RIN3: variants seen among roughly 807,000 people sequenced by gnomAD.
The protein encoded by RIN3 is RAB5 interacting protein 3.
RIN3 carries 54 observed loss-of-function variants against 76.3 expected under a neutral mutation model. The ratio of observed to expected loss-of-function variants is 0.71; its 90% CI spans 0.57 to 0.89. RIN3 has a LOEUF of 0.89. RIN3 is among the 40% of genes least tolerant of loss of function. The pLI, the probability that RIN3 is intolerant of heterozygous loss-of-function variation, is 0.00. For synonymous variants in RIN3, 576 were observed against 564.0 expected, an observed-to-expected ratio of 1.02 and a Z score of -0.30; for missense variants, 1,256 against 1,322.1, an observed-to-expected ratio of 0.95 and a Z score of 0.78.
At chr14:92,516,950 A>G (rs1057184790) in intron 1 of RIN3, among the ~76,000 whole-genome samples, 4 of 152,128 alleles carry the variant, frequency 2.6e-5, no homozygotes, top group Non-Finnish European at 4.4e-5. Flanking sequence ...GGACACCCAG[A>G]CCCTTCACCA....
chr14:92,627,944 A>G (rs904769166), intron 4 of RIN3, among the ~76,000 whole-genome samples: 1 of 152,248 alleles, frequency 6.6e-6, no homozygotes, highest in Non-Finnish European at 1.5e-5. Context: ...GAGCTTGCAA[A>G]ACAAAGGAGA....
intron 7 of RIN3, among the ~76,000 whole-genome samples, chr14:92,660,234 T>C (rs1041186811): frequency 1.3e-5 from 2 of 152,256 alleles, no homozygotes; most frequent in Non-Finnish European, 2.9e-5. Context: ...CAGGCGTGCC[T>C]GAGCTTGCGT....
intron 3 of RIN3, among the ~76,000 whole-genome samples, chr14:92,591,427 C>T (rs77935375): frequency 0.092 from 13,984 of 152,006 alleles, 755 homozygotes; most frequent in Non-Finnish European, 0.12. Context: ...ATATTTGAAA[C>T]AATAATGACT....
At chr14:92,665,225 T>G (rs112337562) in intron 7 of RIN3, among the ~76,000 whole-genome samples, 1,795 of 152,304 alleles carry the variant, frequency 0.012, 21 homozygotes, top group Non-Finnish European at 0.016. Flanking sequence ...GGCAACTATT[T>G]GTGTATCTGA....
rs371977498 is a variant in RIN3, at chr14:92,659,423, C to G, written c.2289C>G (p.Leu763=). The G allele has an allele frequency of 6.2e-7, 1 of 1,612,962 alleles. No homozygotes were observed. Among genetic ancestry groups the G allele is most frequent in the South Asian group, 1.1e-5 (1 of 90,920 alleles). ...YSPEKKISIL[L]KTCKLIYDSM... ...CTGAGAAGAAGATCTCCATCCTGCT[C>G]AAGACCTGCAAACTCATCTACGACT... Residue 763 remains leucine, a synonymous_variant, in exon 7 of 10, where the codon CTC becomes CTG. Coordinates refer to ENST00000216487, the MANE Select transcript of RIN3 (RefSeq NM_024832.5).
At chr14:92,560,943 C>G (rs1359807725) in intron 2 of RIN3, among the ~76,000 whole-genome samples, 5 of 144,948 alleles carry the variant, frequency 3.4e-5, no homozygotes, top group Non-Finnish European at 7.5e-5. Flanking sequence ...TCACTTGAAC[C>G]TGGGAAGGCA....
intron 3 of RIN3, among the ~76,000 whole-genome samples, chr14:92,598,532 A>G (rs1252980784): frequency 6.6e-6 from 1 of 152,224 alleles, no homozygotes; most frequent in African/African-American, 2.4e-5. Context: ...AACCATGCTC[A>G]CCCTCCTTTT....
rs1000931122 is a variant in RIN3 at position 92,688,533 on chromosome 14, C to T, written c.*281C>T. 3 of 495,172 alleles carry T rather than the reference C, an allele frequency of 6.1e-6. No individual in the cohort carries two copies. Among genetic ancestry groups the T allele is most frequent in the African/African-American group, 2.0e-5 (1 of 49,912 alleles). 30.7% of individuals were successfully genotyped at this position (495,172 alleles called of 1,614,324 possible). A position where few individuals can be genotyped will look rare whatever the true frequency, so the allele number is the denominator to read the frequency against. On this transcript the variant is annotated 3_prime_UTR_variant, in exon 10 of 10. Transcript: ENST00000216487. ...AGAGAGGCGCTCCAGGCCGCTGCAG[C>T]CAACAAACCGGCGCCCTCTTCACAC... is the stretch of plus-strand genomic sequence containing the variant.
intron 8 of RIN3, 140 bp downstream of exon 8, chr14:92,676,746 T>C: frequency 1.1e-6 from 1 of 894,888 alleles, no homozygotes; most frequent in East Asian, 2.7e-5. Context: ...CAAATGTGAA[T>C]CCTACACAGG....
Position 92,687,865 on chromosome 14 carries a change from G to A in RIN3, c.2632-61G>A, listed in dbSNP as rs2295989. 37 of 1,417,034 alleles carry A rather than the reference G, an allele frequency of 2.6e-5. No individual in the cohort carries two copies. In the East Asian group the frequency reaches 1.0e-3, roughly 38 times the overall value. 87.8% of individuals were successfully genotyped at this position (1,417,034 alleles called of 1,614,324 possible). On this transcript the variant is annotated intron_variant, in intron 9 of 9. Transcript: ENST00000216487. The stretch of plus-strand genomic sequence containing the variant: ...TCCATCCAGGGAGGGGCCTGGGCCG[G>A]GAGAGGGCGCCTGAGGAGACAGGGC...
chr14:92,637,890 A>G (rs1159508122), intron 4 of RIN3, among the ~76,000 whole-genome samples: 2 of 152,232 alleles, frequency 1.3e-5, no homozygotes, highest in East Asian at 3.8e-4. Context: ...GAAACTTACT[A>G]CTGGCTGGGG....
chr14:92,521,213 C>A (rs1027443853), intron 1 of RIN3, among the ~76,000 whole-genome samples: 1 of 151,892 alleles, frequency 6.6e-6, no homozygotes, highest in African/African-American at 2.4e-5. Flanking sequence ...ACCTATCCAC[C>A]CTCCCACGCT....
At chr14:92,558,191 A>C (rs906350001) in intron 2 of RIN3, among the ~76,000 whole-genome samples, 1 of 152,182 alleles carries the variant, frequency 6.6e-6, no homozygotes, top group African/African-American at 2.4e-5. Flanking sequence ...TCTACAAAAA[A>C]TACAAAAATT....
intron 3 of RIN3, among the ~76,000 whole-genome samples, chr14:92,589,284 T>G: frequency 6.6e-6 from 1 of 152,052 alleles, no homozygotes; most frequent in South Asian, 2.1e-4. Flanking sequence ...TTCCTCTGCT[T>G]GGGTTGGTCT....
chr14:92,646,833 C>T (rs771087497), intron 5 of RIN3, among the ~76,000 whole-genome samples: 3 of 152,338 alleles, frequency 2.0e-5, no homozygotes, highest in Middle Eastern at 3.4e-3. Flanking sequence ...GGGTGTGTTT[C>T]CTTCCAGTTT....
At chr14:92,657,601 G>A (rs1342029054) in intron 6 of RIN3, among the ~76,000 whole-genome samples, 3 of 152,176 alleles carry the variant, frequency 2.0e-5, no homozygotes, top group Non-Finnish European at 4.4e-5. Flanking sequence ...CAGGCCCTGG[G>A]AGGGGAAGAG....
chr14:92,602,650 T>C (rs1311132577), intron 3 of RIN3, among the ~76,000 whole-genome samples: 1 of 152,176 alleles, frequency 6.6e-6, no homozygotes, highest in Non-Finnish European at 1.5e-5. Flanking sequence ...TATTAAAACT[T>C]TGAAAACTGT....
At chr14:92,535,334 CT>C (rs5810602) in intron 1 of RIN3, among the ~76,000 whole-genome samples, 30,648 of 129,492 alleles carry the variant, frequency 0.24, 3,469 homozygotes, top group African/African-American at 0.42. Flanking sequence ...TTCTTTCTTT[CT>C]TTTTTTTTTT....
chr14:92,677,073 A>T (rs1271094379), intron 8 of RIN3, among the ~76,000 whole-genome samples: 2 of 152,204 alleles, frequency 1.3e-5, no homozygotes, highest in Non-Finnish European at 2.9e-5. Flanking sequence ...AGACAGTGAC[A>T]ATCAGTTCTT....
Sources: allele counts gnomAD v4.1 joint callset (sites outside exome capture counted in the v4.1 genomes callset), GRCh38; gene constraint gnomAD v4.1.1; transcripts MANE v1.5; gene names NCBI Gene and HGNC (gene_info 2026-07-23, HGNC 2026-07-21).